Variants in ADAM12 observed in about 807,000 individuals in gnomAD.
ADAM12 encodes ADAM metallopeptidase domain 12.
Under a neutral mutation model 106.4 loss-of-function variants are expected in ADAM12, and 70 were observed. That is an observed-to-expected ratio of 0.66 (90% CI 0.54 to 0.80). The LOEUF (loss-of-function observed/expected upper bound fraction) is 0.80, where lower values mean the gene tolerates loss of function less well. ADAM12 is among the 30% of genes least tolerant of loss of function. The pLI is 0.00. For synonymous variants in ADAM12, 420 were observed against 433.5 expected (o/e 0.97, Z 0.39); for missense variants, 1,010 against 1,171.9 (o/e 0.86, Z 2.02).
intron 2 of ADAM12, among the ~76,000 whole-genome samples, chr10:126,283,357 G>A (rs986378992): frequency 5.9e-5 from 9 of 152,180 alleles, no homozygotes; most frequent in African/African-American, 2.2e-4. Flanking sequence ...GAAACTCTGG[G>A]TGGTGTAGTT....
At position 126,174,969 on chromosome 10, in the gene ADAM12, G is replaced by A. The variant is rs187799822; in HGVS notation, c.261-19664C>T. On this transcript the variant is annotated intron_variant, in intron 3 of 22. Transcript: ENST00000448723. ...GACGGGGTTTCACTGTGTTAGCCAG[G>A]ATGGTCTCGATCTCCTGACCTCGTG... 9.8e-3 allele frequency among the ~76,000 whole-genome samples: 1,490 copies of A among 152,148 alleles called. 23 individuals are homozygous for A. Among genetic ancestry groups the A allele is most frequent in the African/African-American group, 0.034 (1,425 of 41,488 alleles).
intron 3 of ADAM12, among the ~76,000 whole-genome samples, chr10:126,232,746 G>A (rs377728919): frequency 2.6e-5 from 4 of 152,334 alleles, no homozygotes; most frequent in African/African-American, 9.6e-5. Flanking sequence ...GACTTGTGAA[G>A]ATGACATATT....
chr10:126,249,229 C>T (rs1315474871), intron 3 of ADAM12, among the ~76,000 whole-genome samples: 1 of 152,066 alleles, frequency 6.6e-6, no homozygotes, highest in African/African-American at 2.4e-5. Context: ...ATCAATTTCC[C>T]CTACTAAAAT....
At chr10:126,383,988 ATAT>A (rs1024628754) in intron 1 of ADAM12, among the ~76,000 whole-genome samples, 3 of 152,208 alleles carry the variant, frequency 2.0e-5, no homozygotes, top group African/African-American at 7.2e-5. Flanking sequence ...GCTTATGGAA[ATAT>A]TATTTTCCTG....
At chr10:126,106,090 C>T (rs1028100757) in intron 8 of ADAM12, among the ~76,000 whole-genome samples, 5 of 152,134 alleles carry the variant, frequency 3.3e-5, no homozygotes, top group African/African-American at 1.2e-4. Flanking sequence ...CATCGTCTAC[C>T]TGCCCCTCCA....
intron 2 of ADAM12, among the ~76,000 whole-genome samples, chr10:126,317,114 G>C (rs989675079): frequency 6.6e-6 from 1 of 152,134 alleles, no homozygotes; most frequent in Admixed American, 6.5e-5. Flanking sequence ...ACATCACCGC[G>C]AGTCCATCAA....
intron 2 of ADAM12, among the ~76,000 whole-genome samples, chr10:126,319,347 A>G (rs1285545803): frequency 6.6e-6 from 1 of 152,226 alleles, no homozygotes; most frequent in African/African-American, 2.4e-5. Flanking sequence ...ACACAACCTC[A>G]GCCAGGTGCT....
intron 3 of ADAM12, among the ~76,000 whole-genome samples, chr10:126,228,224 C>T (rs189722922): frequency 6.6e-6 from 1 of 152,252 alleles, no homozygotes; most frequent in East Asian, 1.9e-4. Flanking sequence ...TAACTGTACC[C>T]CCCAATATGC....
Position 126,160,192 on chromosome 10 carries a change from A to C in ADAM12, c.261-4887T>G, listed in dbSNP as rs142254448. ...AAAATTCATGCTCAGCATACAACAG[A>C]GTCTTGCAAAATGCAGGCGGTGAAT... On this transcript the variant is annotated intron_variant, in intron 3 of 22. Coordinates refer to ENST00000448723, the MANE Select transcript of ADAM12 (RefSeq NM_001288973.2). Among the ~76,000 whole-genome samples the C allele has an allele frequency of 1.3e-3, 199 of 152,292 alleles. 2 individuals are homozygous for C. The highest frequency in any genetic ancestry group is 4.6e-3 in the African/African-American group (192 of 41,562).
intron 9 of ADAM12, among the ~76,000 whole-genome samples, chr10:126,099,280 A>T (rs983528093): frequency 6.6e-6 from 1 of 152,210 alleles, no homozygotes; most frequent in African/African-American, 2.4e-5. Context: ...ATGTATACAG[A>T]TATATTGTTT....
At chr10:126,346,294 A>G (rs528180823) in intron 1 of ADAM12, among the ~76,000 whole-genome samples, 1 of 152,328 alleles carries the variant, frequency 6.6e-6, no homozygotes, top group Non-Finnish European at 1.5e-5. Context: ...GTAGCCATTC[A>G]GGAGCAGGTT....
Position 126,317,706 on chromosome 10 carries a change from T to C in ADAM12, c.186+12706A>G, listed in dbSNP as rs193057765. 9.8e-5 allele frequency among the ~76,000 whole-genome samples: 15 copies of C among 152,316 alleles called. No individual in the cohort carries two copies. In the East Asian group the frequency reaches 2.5e-3, roughly 25 times the overall value. The stretch of plus-strand genomic sequence containing the variant: ...TGAACATAGCTATTTTATTTATGTC[T>C]ATAGGTACATCCATAAAGAGCCAAA... On this transcript the variant is annotated intron_variant, in intron 2 of 22. Coordinates refer to ENST00000448723, the MANE Select transcript of ADAM12 (RefSeq NM_001288973.2).
chr10:126,275,943 A>C (rs1281734672), intron 3 of ADAM12, among the ~76,000 whole-genome samples: 1 of 152,222 alleles, frequency 6.6e-6, no homozygotes, highest in African/African-American at 2.4e-5. Context: ...TTTTAAAATA[A>C]AAATTGAATA....
At position 126,124,463 on chromosome 10, in the gene ADAM12, T is replaced by C. The variant is rs142763342; in HGVS notation, c.417-6239A>G. On this transcript the variant is annotated intron_variant, in intron 5 of 22. Coordinates refer to ENST00000448723, the MANE Select transcript of ADAM12 (RefSeq NM_001288973.2). ...AAACAAATATTCTTTATCCTTTTAC[T>C]ATGCGCGAGACACTAGGCTAGACAT... 9.1e-3 allele frequency among the ~76,000 whole-genome samples: 1,378 copies of C among 152,260 alleles called. 19 individuals are homozygous for C. The highest frequency in any genetic ancestry group is 0.031 in the African/African-American group (1,269 of 41,546).
At position 126,388,210 on chromosome 10, in the gene ADAM12, G is replaced by C; in HGVS notation, c.-65C>G. On this transcript the variant is annotated 5_prime_UTR_variant, in exon 1 of 23. Coordinates refer to ENST00000448723, the MANE Select transcript of ADAM12 (RefSeq NM_001288973.2). The surrounding 1 kb of genome is among the most constrained non-coding windows in gnomAD (Gnocchi z 4.4). Reference sequence around the variant, plus strand: ...GCGAGCGCTGCACCATCCCACGCGGGCGCCGAGCCGGGGCCGGGCGTCGCG... The same window carrying C: ...GCGAGCGCTGCACCATCCCACGCGGCCGCCGAGCCGGGGCCGGGCGTCGCG... 1 of 1,195,794 alleles carries C rather than the reference G, an allele frequency of 8.4e-7. No individual in the cohort carries two copies. The highest frequency in any genetic ancestry group is 1.0e-6 in the Non-Finnish European group (1 of 964,560). The allele number at this position is 1,195,794 out of a possible 1,614,324, so 74.1% of individuals were successfully genotyped here. A position where few individuals can be genotyped will look rare whatever the true frequency, so the allele number is the denominator to read the frequency against.
intron 5 of ADAM12, among the ~76,000 whole-genome samples, chr10:126,135,202 C>T (rs1181832522): frequency 2.6e-5 from 4 of 152,258 alleles, no homozygotes; most frequent in Non-Finnish European, 5.9e-5. Context: ...TTAAGATTTA[C>T]ATTAAGCCAG....
rs115797910 is a variant in ADAM12 at position 126,315,921 on chromosome 10, C to T, written c.186+14491G>A. The stretch of plus-strand genomic sequence containing the variant: ...AGCTCCCAGCGATCCGATGCATTCC[C>T]ACGAAGTCCACTTATGAGATTTGCC... On this transcript the variant is annotated intron_variant, in intron 2 of 22. Coordinates refer to ENST00000448723, the MANE Select transcript of ADAM12 (RefSeq NM_001288973.2). Among the ~76,000 whole-genome samples, 299 of 152,298 alleles carry T rather than the reference C, an allele frequency of 2.0e-3. 1 individual carries two copies. Among genetic ancestry groups the T allele is most frequent in the African/African-American group, 6.9e-3 (287 of 41,560 alleles).
chr10:126,320,545 T>G (rs1854060893), intron 2 of ADAM12, among the ~76,000 whole-genome samples: 1 of 152,194 alleles, frequency 6.6e-6, no homozygotes, highest in South Asian at 2.1e-4. Context: ...ACTTATTGAG[T>G]GATTATTAAG....
intron 3 of ADAM12, among the ~76,000 whole-genome samples, chr10:126,168,302 G>A (rs894969149): frequency 2.0e-5 from 3 of 149,798 alleles, no homozygotes; most frequent in Non-Finnish European, 4.4e-5. Context: ...ATCTCTAGCA[G>A]TAGTATAGCA....
Sources: gnomAD v4.1 joint callset for allele counts (sites outside exome capture counted in the v4.1 genomes callset) on GRCh38, gnomAD v4.1.1 for gene constraint, Gnocchi (gnomAD v3.1) non-coding constraint, MANE v1.5 for transcripts, NCBI Gene and HGNC (gene_info 2026-07-23, HGNC 2026-07-21) for gene names.